Variants in AATF observed in about 807,000 individuals in gnomAD.
AATF encodes the protein apoptosis antagonizing transcription factor.
Under a neutral mutation model 63.7 loss-of-function variants are expected in AATF, and 48 were observed. That is an observed-to-expected ratio of 0.75 (90% CI 0.60 to 0.96). The LOEUF (loss-of-function observed/expected upper bound fraction) is 0.96, where lower values mean the gene tolerates loss of function less well. Ranked by LOEUF, AATF falls within the 40% of genes least tolerant of loss-of-function variation. AATF has a pLI of 0.00. For missense variants in AATF, 639 were observed against 685.7 expected (o/e 0.93, Z 0.76); for synonymous variants, 258 against 247.7 (o/e 1.04, Z -0.39).
chr17:37,032,541 AC>A (rs958514511), intron 11 of AATF, among the ~76,000 whole-genome samples: 1 of 152,120 alleles, frequency 6.6e-6, no homozygotes, highest in Non-Finnish European at 1.5e-5. Flanking sequence ...GTATTTAGAA[AC>A]CAAGATCTAG....
intron 11 of AATF, among the ~76,000 whole-genome samples, chr17:37,053,202 A>G (rs80119713): frequency 0.018 from 2,694 of 152,286 alleles, 37 homozygotes; most frequent in Non-Finnish European, 0.026. Flanking sequence ...AATGGAGGGA[A>G]AAGCCTCATC....
intron 8 of AATF, among the ~76,000 whole-genome samples, chr17:36,994,526 A>C (rs1597717458): frequency 6.6e-6 from 1 of 152,258 alleles, no homozygotes; most frequent in Non-Finnish European, 1.5e-5. Context: ...CATCTGCTTC[A>C]GAAAAGCATT....
chr17:36,960,576 C>G (rs1392634396), intron 4 of AATF, among the ~76,000 whole-genome samples: 1 of 152,174 alleles, frequency 6.6e-6, no homozygotes, highest in Non-Finnish European at 1.5e-5. Flanking sequence ...GAAATCCCCC[C>G]CTTTTAAATT....
At position 36,951,604 on chromosome 17, in the gene AATF, A is replaced by G. The variant is rs555440385; in HGVS notation, c.283+1199A>G. Among the ~76,000 whole-genome samples the G allele has an allele frequency of 3.7e-4, 56 of 152,346 alleles. No homozygotes were observed. The East Asian group carries it at 4.4e-3, about 12-fold the overall frequency. On this transcript the variant is annotated intron_variant, in intron 2 of 11. Transcript: ENST00000619387. Reference sequence around the variant, plus strand: ...GGAAATCGAGGGGCAAATTGGTTACATAAGTTTGCTCAAGGTCATATAGTT... The same window carrying G: ...GGAAATCGAGGGGCAAATTGGTTACGTAAGTTTGCTCAAGGTCATATAGTT...
Position 36,960,023 on chromosome 17 carries a change from T to TC in AATF, c.832+6124dup, listed in dbSNP as rs112853898. Among the ~76,000 whole-genome samples, 190 of 150,408 alleles carry TC rather than the reference T, an allele frequency of 1.3e-3. 2 individuals are homozygous for TC. The highest frequency in any genetic ancestry group is 2.9e-3 in the Admixed American group (43 of 15,026). On this transcript the variant is annotated intron_variant, in intron 4 of 11. Transcript: ENST00000619387. ...TGACTTGACTAGACTAAAATTTTTT[T>TC]CCCCCCCCGAGATGGAGTCTTGCTC...
At chr17:36,951,079 G>T (rs1019754057) in intron 2 of AATF, among the ~76,000 whole-genome samples, 41 of 152,158 alleles carry the variant, frequency 2.7e-4, no homozygotes, top group African/African-American at 9.9e-4. Context: ...AAAGAGTTAG[G>T]AGTCTGTGCG....
intron 8 of AATF, 65 bp from the exon 9 acceptor site, chr17:37,018,940 G>T: frequency 7.4e-7 from 1 of 1,349,442 alleles, no homozygotes; most frequent in Non-Finnish European, 1.1e-6. Flanking sequence ...TTCCTTCTCT[G>T]CCCTTTTAAA....
intron 8 of AATF, among the ~76,000 whole-genome samples, chr17:37,007,637 C>T (rs1342062121): frequency 1.3e-5 from 2 of 152,080 alleles, no homozygotes; most frequent in Admixed American, 6.5e-5. Flanking sequence ...ATGACATAAA[C>T]ATAAATAACC....
chr17:37,021,038 G>A (rs954474301), intron 10 of AATF, 24 bp downstream of exon 10: 9 of 1,575,892 alleles, frequency 5.7e-6, no homozygotes, highest in Non-Finnish European at 6.9e-6. Flanking sequence ...CGGAAAAAAT[G>A]TCAACATATA....
At chr17:36,976,230 T>C (rs2071078880) in intron 4 of AATF, among the ~76,000 whole-genome samples, 1 of 152,208 alleles carries the variant, frequency 6.6e-6, no homozygotes, top group Non-Finnish European at 1.5e-5. Context: ...ATCTAGAAAA[T>C]GAAAACTGTG....
intron 4 of AATF, among the ~76,000 whole-genome samples, chr17:36,979,992 A>G (rs1457979456): frequency 6.6e-6 from 1 of 152,206 alleles, no homozygotes; most frequent in Non-Finnish European, 1.5e-5. Flanking sequence ...AGCAGAGCTT[A>G]AGATTTTTAC....
At chr17:36,952,854 A>G in intron 2 of AATF, 32 bp from the exon 3 acceptor site, 2 of 1,598,354 alleles carry the variant, frequency 1.3e-6, no homozygotes, top group Non-Finnish European at 1.7e-6. Context: ...GGTAATACCC[A>G]TTTTTCTCTT....
chr17:37,044,128 G>A (rs945162173), intron 11 of AATF, among the ~76,000 whole-genome samples: 3 of 152,118 alleles, frequency 2.0e-5, no homozygotes, highest in Non-Finnish European at 2.9e-5. Context: ...TTTTGCAACT[G>A]TCCTATAAGA....
intron 8 of AATF, among the ~76,000 whole-genome samples, chr17:37,006,496 C>T (rs2142270370): frequency 6.6e-6 from 1 of 152,262 alleles, no homozygotes; most frequent in South Asian, 2.1e-4. Context: ...ATAAGTCAGT[C>T]ACTTAGTCCT....
intron 11 of AATF, 121 bp downstream of exon 11, chr17:37,031,806 A>C (rs925222864): frequency 1.2e-6 from 1 of 819,948 alleles, no homozygotes; most frequent in Non-Finnish European, 2.1e-6. Context: ...TTGGCATCGC[A>C]GTAAGGGTCA....
At chr17:37,019,101 C>T in intron 9 of AATF, 29 bp downstream of exon 9, 2 of 1,583,816 alleles carry the variant, frequency 1.3e-6, no homozygotes, top group Non-Finnish European at 1.7e-6. Flanking sequence ...TCTGTTCATG[C>T]AAGCAGCCTA....
At chr17:37,004,852 G>A (rs1217427034) in intron 8 of AATF, among the ~76,000 whole-genome samples, 2 of 152,190 alleles carry the variant, frequency 1.3e-5, no homozygotes, top group Non-Finnish European at 2.9e-5. Context: ...AGGCCAGTTT[G>A]CAAGATCTGG....
At chr17:36,972,040 A>T (rs2071043403) in intron 4 of AATF, among the ~76,000 whole-genome samples, 1 of 151,852 alleles carries the variant, frequency 6.6e-6, no homozygotes, top group South Asian at 2.1e-4. Context: ...GCCTGGCTTG[A>T]TTGTTGTGTA....
intron 10 of AATF, among the ~76,000 whole-genome samples, chr17:37,028,184 G>A (rs1347217164): frequency 6.6e-6 from 1 of 151,992 alleles, no homozygotes; most frequent in African/African-American, 2.4e-5. Context: ...GACTGAGGTG[G>A]GAGGATCACT....
Sources: gnomAD v4.1 joint callset for allele counts (sites outside exome capture counted in the v4.1 genomes callset) on GRCh38, gnomAD v4.1.1 for gene constraint, MANE v1.5 for transcripts, NCBI Gene and HGNC (gene_info 2026-07-23, HGNC 2026-07-21) for gene names.